The following ITGBL1 variants were observed in gnomAD, a reference collection of about 807,000 sequenced individuals.
ITGBL1 encodes integrin beta-like protein 1.
A neutral mutation model predicts 68.5 loss-of-function variants in ITGBL1; 51 were observed. That is an observed-to-expected ratio of 0.74 (90% CI 0.59 to 0.94). ITGBL1 has a LOEUF of 0.94. Ranked by LOEUF, ITGBL1 falls within the 40% of genes least tolerant of loss-of-function variation. ITGBL1 has a pLI of 0.00. For missense variants in ITGBL1, 649 were observed against 647.4 expected (o/e 1.00, Z -0.03); for synonymous variants, 209 against 227.3 (o/e 0.92, Z 0.72).
intron 2 of ITGBL1, among the ~76,000 whole-genome samples, chr13:101,545,081 C>T (rs2049794925): frequency 6.6e-6 from 1 of 152,166 alleles, no homozygotes; most frequent in African/African-American, 2.4e-5. Context: ...TCCAACACCC[C>T]TCAGTGAGAT....
intron 2 of ITGBL1, among the ~76,000 whole-genome samples, chr13:101,470,293 A>G (rs886507142): frequency 6.6e-6 from 1 of 152,076 alleles, no homozygotes; most frequent in Non-Finnish European, 1.5e-5. Flanking sequence ...GAAAGATAGT[A>G]TAATATAGGC....
chr13:101,510,987 A>C (rs2049106550), intron 2 of ITGBL1, among the ~76,000 whole-genome samples: 1 of 151,976 alleles, frequency 6.6e-6, no homozygotes, highest in South Asian at 2.1e-4. Context: ...TGTGCAGAAG[A>C]AGCTCTTTAG....
intron 2 of ITGBL1, among the ~76,000 whole-genome samples, chr13:101,564,646 CATAT>C (rs1379322498): frequency 1.4e-5 from 2 of 148,014 alleles, no homozygotes; most frequent in Non-Finnish European, 3.0e-5. Flanking sequence ...TTTATATATA[CATAT>C]ATATGACAAT....
At chr13:101,611,935 C>T (rs1417860812) in intron 7 of ITGBL1, among the ~76,000 whole-genome samples, 1 of 152,180 alleles carries the variant, frequency 6.6e-6, no homozygotes, top group East Asian at 1.9e-4. Context: ...TCATGAGAAT[C>T]ATGTGACTAA....
At chr13:101,537,539 G>C (rs1027119961) in intron 2 of ITGBL1, among the ~76,000 whole-genome samples, 4 of 151,976 alleles carry the variant, frequency 2.6e-5, no homozygotes, top group African/African-American at 9.7e-5. Context: ...CATTTTAAAT[G>C]ACAGTTTGTT....
At chr13:101,463,598 G>A (rs9582489) in intron 2 of ITGBL1, among the ~76,000 whole-genome samples, 12,103 of 151,996 alleles carry the variant, frequency 0.08, 1,433 homozygotes, top group African/African-American at 0.26. Context: ...GACGTCTGCA[G>A]ACTCCCAGGG....
In ITGBL1 at chr13:101,709,529, A is replaced by AT. The variant is rs200586347; in HGVS notation, c.1279+2636dup. Among the ~76,000 whole-genome samples, 704 of 151,550 alleles carry AT rather than the reference A, an allele frequency of 4.6e-3. 8 individuals carry two copies. The highest frequency in any genetic ancestry group is 0.034 in the Middle Eastern group (10 of 292). On this transcript the variant is annotated intron_variant, in intron 9 of 10. Coordinates refer to ENST00000376180, the MANE Select transcript of ITGBL1 (RefSeq NM_004791.3). Reference sequence around the variant, plus strand: ...TGAGAATGAATCGTTTTTGAATTAGATTTTTTTTTCCTCTGAGCATGGCTT... The same window carrying AT: ...TGAGAATGAATCGTTTTTGAATTAGATTTTTTTTTTCCTCTGAGCATGGCTT...
At chr13:101,532,855 G>C (rs969225373) in intron 2 of ITGBL1, among the ~76,000 whole-genome samples, 3 of 152,082 alleles carry the variant, frequency 2.0e-5, no homozygotes, top group Non-Finnish European at 2.9e-5. Flanking sequence ...TTTATAGCCT[G>C]GTTGTTCAAA....
At chr13:101,489,371 A>C (rs560092776) in intron 2 of ITGBL1, among the ~76,000 whole-genome samples, 1 of 152,304 alleles carries the variant, frequency 6.6e-6, no homozygotes, top group Non-Finnish European at 1.5e-5. Flanking sequence ...TAGGGATCAA[A>C]TTCTACTTCT....
chr13:101,453,323 G>A (rs1391342914), intron 1 of ITGBL1, among the ~76,000 whole-genome samples: 4 of 152,146 alleles, frequency 2.6e-5, no homozygotes, highest in Non-Finnish European at 5.9e-5. Flanking sequence ...GACTGAGTGA[G>A]GCACACTGCA....
intron 2 of ITGBL1, among the ~76,000 whole-genome samples, chr13:101,480,949 C>A (rs1261642475): frequency 5.3e-5 from 8 of 151,136 alleles, no homozygotes; most frequent in Admixed American, 4.6e-4. Flanking sequence ...TGGAGAGAAA[C>A]CTTCAGAGAT....
rs562331002 is a variant in ITGBL1 at position 101,668,967 on chromosome 13, A to G, written c.1016-23618A>G. Among the ~76,000 whole-genome samples the G allele has an allele frequency of 3.9e-5, 6 of 152,316 alleles. No homozygotes were observed. In the East Asian group the frequency reaches 1.2e-3, roughly 29 times the overall value. ...CCTAGAAGTTGTAAGATGTATATTC[A>G]TAAGCTGTTGCTATATGACAAATAG... On this transcript the variant is annotated intron_variant, in intron 7 of 10. Coordinates refer to ENST00000376180, the MANE Select transcript of ITGBL1 (RefSeq NM_004791.3).
At chr13:101,504,894 G>A (rs901370196) in intron 2 of ITGBL1, among the ~76,000 whole-genome samples, 2 of 152,136 alleles carry the variant, frequency 1.3e-5, no homozygotes, top group African/African-American at 2.4e-5. Context: ...TTCACATAAT[G>A]TCAAAGAAAA....
At chr13:101,543,398 T>C (rs2049750271) in intron 2 of ITGBL1, among the ~76,000 whole-genome samples, 1 of 152,224 alleles carries the variant, frequency 6.6e-6, no homozygotes, top group African/African-American at 2.4e-5. Flanking sequence ...CACCCTCTTC[T>C]GGCTTGTAGA....
chr13:101,464,846 G>A (rs1414553209), intron 2 of ITGBL1, among the ~76,000 whole-genome samples: 3 of 152,104 alleles, frequency 2.0e-5, no homozygotes, highest in Admixed American at 6.6e-5. Context: ...CCCTTTTCTG[G>A]TAGACCACTA....
chr13:101,638,729 A>G (rs2032260257), intron 7 of ITGBL1, among the ~76,000 whole-genome samples: 1 of 152,180 alleles, frequency 6.6e-6, no homozygotes, highest in Non-Finnish European at 1.5e-5. Context: ...ATTATCTCCC[A>G]CTGGGTCCCT....
chr13:101,471,743 A>C (rs769931451), intron 2 of ITGBL1, among the ~76,000 whole-genome samples: 1 of 151,752 alleles, frequency 6.6e-6, no homozygotes, highest in Non-Finnish European at 1.5e-5. Flanking sequence ...AATACTTGAG[A>C]TCTCTTAAAT....
rs762980270 is a variant in ITGBL1, at chr13:101,663,651, A to G, written c.1016-28934A>G. ...TTTGACTGTCATACAAGGTTTCCCA[A>G]TCAAAAGCAGATGAGATAGTGGTTG... On this transcript the variant is annotated intron_variant, in intron 7 of 10. Transcript: ENST00000376180. Among the ~76,000 whole-genome samples the G allele has an allele frequency of 4.3e-4, 66 of 152,336 alleles. 1 individual carries two copies. Among genetic ancestry groups the G allele is most frequent in the Admixed American group, 3.1e-3 (47 of 15,300 alleles).
chr13:101,545,147 A>G (rs1385167247), intron 2 of ITGBL1, among the ~76,000 whole-genome samples: 1 of 152,086 alleles, frequency 6.6e-6, no homozygotes, highest in Non-Finnish European at 1.5e-5. Flanking sequence ...CGTCGCTCAC[A>G]CTGGGAGCTG....
Sources: allele counts gnomAD v4.1 joint callset (sites outside exome capture counted in the v4.1 genomes callset), GRCh38; gene constraint gnomAD v4.1.1; transcripts MANE v1.5; gene names NCBI Gene and HGNC (gene_info 2026-07-23, HGNC 2026-07-21).